SDK1: variants seen among roughly 807,000 people sequenced by gnomAD.
SDK1 encodes the protein protein sidekick-1.
A neutral mutation model predicts 245.5 loss-of-function variants in SDK1; 157 were observed. The observed-to-expected ratio is 0.64, with a 90% CI of 0.56 to 0.73. The LOEUF (loss-of-function observed/expected upper bound fraction) is 0.73. Ranked by LOEUF, SDK1 falls within the 30% of genes least tolerant of loss-of-function variation. The pLI, the probability that SDK1 is intolerant of heterozygous loss-of-function variation, is 0.00. For synonymous variants in SDK1, 1,647 were observed against 1,278.5 expected (o/e 1.29, Z -6.15); for missense variants, 3,583 against 3,002.3 (o/e 1.19, Z -4.52).
At chr7:3,463,659 T>C (rs1366455052) in intron 1 of SDK1, among the ~76,000 whole-genome samples, 1 of 152,218 alleles carries the variant, frequency 6.6e-6, no homozygotes, top group Admixed American at 6.5e-5. Context: ...AACTACTTTA[T>C]ATCCCTCAGG....
At chr7:3,669,241 G>T (rs546839951) in intron 4 of SDK1, among the ~76,000 whole-genome samples, 1 of 152,220 alleles carries the variant, frequency 6.6e-6, no homozygotes, top group Non-Finnish European at 1.5e-5. Context: ...GGAAAGCAGT[G>T]TAGGAGCAGA....
At chr7:3,596,125 G>C (rs543991015) in intron 1 of SDK1, among the ~76,000 whole-genome samples, 1,773 of 152,178 alleles carry the variant, frequency 0.012, 46 homozygotes, top group African/African-American at 0.04. Flanking sequence ...AAATGCTCCA[G>C]TGAGCATTTC....
At chr7:3,483,133 A>G (rs1317318567) in intron 1 of SDK1, among the ~76,000 whole-genome samples, 1 of 152,232 alleles carries the variant, frequency 6.6e-6, no homozygotes, top group African/African-American at 2.4e-5. Flanking sequence ...AAGTTCCTGA[A>G]AAATCATGTT....
intron 4 of SDK1, among the ~76,000 whole-genome samples, chr7:3,731,611 A>C (rs1286587969): frequency 1.3e-5 from 2 of 152,064 alleles, no homozygotes; most frequent in Non-Finnish European, 2.9e-5. Context: ...TAAGTAGCTA[A>C]TTTTTCTATC....
chr7:4,123,777 G>A (rs1217857457), intron 25 of SDK1, among the ~76,000 whole-genome samples: 1 of 152,186 alleles, frequency 6.6e-6, no homozygotes, highest in East Asian at 1.9e-4. Context: ...CATCACTGGG[G>A]GTTTTCTATT....
intron 1 of SDK1, among the ~76,000 whole-genome samples, chr7:3,608,111 A>T (rs1179547556): frequency 1.3e-5 from 2 of 152,226 alleles, no homozygotes; most frequent in Non-Finnish European, 2.9e-5. Context: ...CTGGTGTGTT[A>T]CTCATCCGTG....
rs376317791 is a variant in SDK1, at chr7:3,444,020, A to G, written c.298+142136A>G. ...GCCTGAGAAGAAGCAAAAGGATTCA[A>G]GAGAGGCGGTTGTGCAGCCTTCCTG... is the stretch of plus-strand genomic sequence containing the variant. On this transcript the variant is annotated intron_variant, in intron 1 of 44. Transcript: ENST00000404826. Among the ~76,000 whole-genome samples the G allele has an allele frequency of 5.9e-5, 9 of 152,268 alleles. 1 individual carries two copies. Among genetic ancestry groups the G allele is most frequent in the East Asian group, 3.8e-4 (2 of 5,200 alleles).
At chr7:3,747,282 C>T (rs1480569304) in intron 4 of SDK1, among the ~76,000 whole-genome samples, 1 of 152,228 alleles carries the variant, frequency 6.6e-6, no homozygotes, top group African/African-American at 2.4e-5. Flanking sequence ...TTAGTTTCTA[C>T]TACCCAATAG....
chr7:3,378,221 C>T (rs1397884108), intron 1 of SDK1, among the ~76,000 whole-genome samples: 1 of 152,144 alleles, frequency 6.6e-6, no homozygotes, highest in African/African-American at 2.4e-5. Flanking sequence ...TTCCAAGAGT[C>T]CCTCATAGTT....
Position 4,135,216 on chromosome 7 carries a change from A to G in SDK1, c.4228+2793A>G, listed in dbSNP as rs73671565. Among the ~76,000 whole-genome samples, 284 of 152,364 alleles carry G rather than the reference A, an allele frequency of 1.9e-3. 1 individual carries two copies. Among genetic ancestry groups the G allele is most frequent in the African/African-American group, 6.6e-3 (273 of 41,584 alleles). On this transcript the variant is annotated intron_variant, in intron 28 of 44. Transcript: ENST00000404826. ...AGGCCACAATGAAATCCCATTTCAC[A>G]TTCGCCAGATTTGGCACCATAAGTA...
Position 3,729,055 on chromosome 7 carries a change from A to G in SDK1, c.713+86950A>G, listed in dbSNP as rs116589052. Among the ~76,000 whole-genome samples the G allele has an allele frequency of 4.0e-3, 616 of 152,274 alleles. 6 individuals carry two copies. The highest frequency in any genetic ancestry group is 0.014 in the African/African-American group (601 of 41,548). ...TTGCGATTAGGTGCTGATTGTGTGAAATCCGGCTTGATCATTTGCTTTAAC... is the reference window on the plus strand; with the variant it reads ...TTGCGATTAGGTGCTGATTGTGTGAGATCCGGCTTGATCATTTGCTTTAAC... On this transcript the variant is annotated intron_variant, in intron 4 of 44. Transcript: ENST00000404826.
chr7:3,888,574 C>G (rs998003675), intron 5 of SDK1, among the ~76,000 whole-genome samples: 20 of 152,292 alleles, frequency 1.3e-4, no homozygotes, highest in Non-Finnish European at 4.4e-5. Context: ...ATGGCATTTT[C>G]TACAGTATAT....
intron 10 of SDK1, 135 bp downstream of exon 10, chr7:3,967,569 C>T: frequency 1.6e-6 from 1 of 643,000 alleles, no homozygotes. Flanking sequence ...ACTCTTATTG[C>T]AGCAGTCCCC....
intron 22 of SDK1, among the ~76,000 whole-genome samples, chr7:4,104,505 C>T (rs1008001014): frequency 1.2e-4 from 19 of 152,186 alleles, no homozygotes; most frequent in Non-Finnish European, 2.2e-4. Flanking sequence ...CCAGAGGTCA[C>T]GGTTATATTG....
intron 40 of SDK1, among the ~76,000 whole-genome samples, chr7:4,226,135 A>G (rs571804122): frequency 2.0e-5 from 3 of 152,264 alleles, no homozygotes; most frequent in Non-Finnish European, 4.4e-5. Flanking sequence ...ATGCTGTATC[A>G]TCTCATTTTC....
chr7:3,934,041 C>T (rs1252094803), intron 5 of SDK1, among the ~76,000 whole-genome samples: 1 of 152,296 alleles, frequency 6.6e-6, no homozygotes, highest in Admixed American at 6.5e-5. Flanking sequence ...TCACCAGCCG[C>T]ACGGCATCCA....
chr7:4,226,445 C>T (rs79936544), intron 40 of SDK1, among the ~76,000 whole-genome samples: 458 of 152,356 alleles, frequency 3.0e-3, no homozygotes, highest in African/African-American at 0.011. Context: ...GGTAGTGGAG[C>T]GTGCTGCCCT....
chr7:3,989,067 T>A (rs1784091477), intron 14 of SDK1, among the ~76,000 whole-genome samples: 1 of 152,224 alleles, frequency 6.6e-6, no homozygotes, highest in South Asian at 2.1e-4. Context: ...CAGTTTAACC[T>A]TTTAATACGT....
At chr7:3,847,998 G>C (rs189018971) in intron 5 of SDK1, among the ~76,000 whole-genome samples, 34 of 152,110 alleles carry the variant, frequency 2.2e-4, no homozygotes, top group Non-Finnish European at 3.7e-4. Flanking sequence ...TGCAACATAC[G>C]TATCACATCT....
Sources: gnomAD v4.1 joint callset for allele counts (sites outside exome capture counted in the v4.1 genomes callset) on GRCh38, gnomAD v4.1.1 for gene constraint, MANE v1.5 for transcripts, NCBI Gene and HGNC (gene_info 2026-07-23, HGNC 2026-07-21) for gene names.